FYN: variants seen among roughly 807,000 people sequenced by gnomAD.
The protein encoded by FYN is tyrosine-protein kinase Fyn.
In FYN, 10 loss-of-function variants were observed where a neutral mutation model predicts 70.2. That is an observed-to-expected ratio of 0.14 (90% confidence interval 0.09 to 0.24). FYN has a LOEUF of 0.24. Ranked by LOEUF, FYN falls within the 10% of genes least tolerant of loss-of-function variation. The pLI, the probability that FYN is intolerant of heterozygous loss-of-function variation, is 1.00. For synonymous variants in FYN, 236 were observed against 248.6 expected (o/e 0.95, Z 0.48); for missense variants, 319 against 673.1 (o/e 0.47, Z 5.82).
intron 3 of FYN, among the ~76,000 whole-genome samples, chr6:111,760,401 T>C (rs1314784883): frequency 2.0e-5 from 3 of 152,124 alleles, no homozygotes; most frequent in Admixed American, 6.6e-5. Context: ...GAGAAAAAGA[T>C]AGGCATCCTA....
intron 6 of FYN, among the ~76,000 whole-genome samples, chr6:111,705,493 C>T (rs896635214): frequency 1.3e-5 from 2 of 151,622 alleles, no homozygotes; most frequent in Non-Finnish European, 2.9e-5. Context: ...CTCAAGCAAT[C>T]TTCCTACCTC....
At chr6:111,729,553 T>C (rs1383361034) in intron 3 of FYN, among the ~76,000 whole-genome samples, 1 of 151,634 alleles carries the variant, frequency 6.6e-6, no homozygotes, top group Admixed American at 6.6e-5. Flanking sequence ...TTTAAAAAAA[T>C]GACATGAAGA....
chr6:111,674,372 T>C lies in FYN; in HGVS notation c.1405+127A>G. ...TTCTCTCGCTGAATACCTGGCCATG[T>C]TCTTCAAACTCAAGCTCAGCAGAAA... On this transcript the variant is annotated intron_variant, in intron 13 of 13. Coordinates refer to ENST00000354650, the MANE Select transcript of FYN (RefSeq NM_002037.5). 3.8e-6 allele frequency: 4 copies of C among 1,047,568 alleles called. No homozygotes were observed. The East Asian group carries it at 1.0e-4, about 27-fold the overall frequency. 64.9% of individuals were successfully genotyped at this position (1,047,568 alleles called of 1,614,324 possible). A position where few individuals can be genotyped will look rare whatever the true frequency, so the allele number is the denominator to read the frequency against.
intron 3 of FYN, among the ~76,000 whole-genome samples, chr6:111,766,336 C>T (rs1803227109): frequency 6.6e-6 from 1 of 152,178 alleles, no homozygotes; most frequent in Non-Finnish European, 1.5e-5. Flanking sequence ...CCCACACCAT[C>T]ATCTATTTTC....
intron 1 of FYN, among the ~76,000 whole-genome samples, chr6:111,862,866 T>A (rs1395138827): frequency 6.6e-6 from 1 of 151,668 alleles, no homozygotes; most frequent in African/African-American, 2.4e-5. Context: ...GACAGGTGAG[T>A]AGAATTCTAA....
chr6:111,666,824 C>G (rs1236450264), intron 13 of FYN, among the ~76,000 whole-genome samples: 1 of 152,092 alleles, frequency 6.6e-6, no homozygotes, highest in African/African-American at 2.4e-5. Context: ...CAGAGCGAGA[C>G]CTTACTAGTC....
intron 1 of FYN, among the ~76,000 whole-genome samples, chr6:111,869,254 A>T (rs1178992679): frequency 6.6e-6 from 1 of 152,244 alleles, no homozygotes; most frequent in African/African-American, 2.4e-5. Context: ...GTGACAGAGG[A>T]GACCCATGTG....
intron 1 of FYN, among the ~76,000 whole-genome samples, chr6:111,864,312 C>T (rs181033528): frequency 7.9e-5 from 12 of 152,268 alleles, no homozygotes; most frequent in Admixed American, 7.2e-4. Flanking sequence ...GTGTTCAGAT[C>T]CCAGCTCTGT....
chr6:111,863,951 ACT>A (rs1159732122), intron 1 of FYN, among the ~76,000 whole-genome samples: 1 of 151,464 alleles, frequency 6.6e-6, no homozygotes, highest in Non-Finnish European at 1.5e-5. Flanking sequence ...CTGCCTGCTG[ACT>A]CTTCCCTTCT....
At chr6:111,808,121 A>G (rs912351925) in intron 2 of FYN, among the ~76,000 whole-genome samples, 3 of 152,036 alleles carry the variant, frequency 2.0e-5, no homozygotes, top group Non-Finnish European at 2.9e-5. Flanking sequence ...AAAAACAAAA[A>G]ACAAAAAACA....
rs148920879 is a variant in FYN, at chr6:111,779,684, G to A, written c.-12+882C>T. Among the ~76,000 whole-genome samples, 19 of 152,280 alleles carry A rather than the reference G, an allele frequency of 1.2e-4. No individual in the cohort carries two copies. The East Asian group carries it at 2.7e-3, about 22-fold the overall frequency. ...AAGTGAATATTGGAGGAGGGGTTGT[G>A]GTGAGTAGCTGGGATGCTCTAGCAA... On this transcript the variant is annotated intron_variant, in intron 3 of 13. Transcript: ENST00000354650.
intron 3 of FYN, among the ~76,000 whole-genome samples, chr6:111,755,187 T>G (rs1802670303): frequency 1.3e-5 from 2 of 152,180 alleles, no homozygotes; most frequent in Admixed American, 1.3e-4. Flanking sequence ...TGATACTTTT[T>G]TTGTTTTTCT....
At chr6:111,721,208 T>C (rs994356788) in intron 3 of FYN, among the ~76,000 whole-genome samples, 2 of 152,180 alleles carry the variant, frequency 1.3e-5, no homozygotes, top group South Asian at 2.1e-4. Flanking sequence ...AGTGCTCCCA[T>C]GGCATCCTCA....
At chr6:111,746,754 T>C (rs1802240328) in intron 3 of FYN, among the ~76,000 whole-genome samples, 2 of 152,128 alleles carry the variant, frequency 1.3e-5, no homozygotes, top group African/African-American at 2.4e-5. Context: ...GCTTCATCTT[T>C]AGAATCCTCC....
intron 1 of FYN, among the ~76,000 whole-genome samples, chr6:111,851,713 G>T (rs895840032): frequency 3.3e-5 from 5 of 152,036 alleles, no homozygotes; most frequent in Admixed American, 1.3e-4. Flanking sequence ...GAGAGGGTGT[G>T]GCAAGGGTCA....
intron 2 of FYN, among the ~76,000 whole-genome samples, chr6:111,782,942 G>A (rs1771229962): frequency 6.6e-6 from 1 of 152,154 alleles, no homozygotes; most frequent in African/African-American, 2.4e-5. Flanking sequence ...CCTGGGTGAT[G>A]TTGTCTTTGC....
chr6:111,798,255 T>C (rs542558158), intron 2 of FYN: 2 of 152,320 alleles, frequency 1.3e-5, no homozygotes, highest in African/African-American at 4.8e-5. Flanking sequence ...TCTAATTTGC[T>C]GAAGACCTTA....
chr6:111,721,386 T>C (rs1038868164), intron 3 of FYN, among the ~76,000 whole-genome samples: 4 of 152,226 alleles, frequency 2.6e-5, no homozygotes, highest in East Asian at 1.9e-4. Flanking sequence ...GTGAAGATTC[T>C]GTAGCCTATT....
intron 3 of FYN, among the ~76,000 whole-genome samples, chr6:111,751,194 C>G (rs891777879): frequency 1.3e-5 from 2 of 152,204 alleles, no homozygotes; most frequent in East Asian, 3.8e-4. Flanking sequence ...GGAAACATAA[C>G]ACGCATTAGT....
Sources: allele counts gnomAD v4.1 joint callset (sites outside exome capture counted in the v4.1 genomes callset), GRCh38; gene constraint gnomAD v4.1.1; transcripts MANE v1.5; gene names NCBI Gene and HGNC (gene_info 2026-07-23, HGNC 2026-07-21).